The following NPAS3 variants were observed in gnomAD, a reference collection of about 807,000 sequenced individuals.
The protein encoded by NPAS3 is neuronal PAS domain-containing protein 3.
NPAS3 carries 14 observed loss-of-function variants against 73.1 expected under a neutral mutation model. The ratio of observed to expected loss-of-function variants is 0.19; its 90% confidence interval spans 0.13 to 0.30. The LOEUF is 0.30. Among genes scored for constraint, NPAS3 ranks in the 10% least tolerant of loss-of-function variants. The pLI is 1.00. For synonymous variants in NPAS3, 620 were observed against 541.5 expected, an observed-to-expected ratio of 1.14 and a Z score of -2.01; for missense variants, 1,096 against 1,250.0, an observed-to-expected ratio of 0.88 and a Z score of 1.86.
At chr14:32,975,579 A>G (rs563281852) in intron 1 of NPAS3, among the ~76,000 whole-genome samples, 1 of 152,338 alleles carries the variant, frequency 6.6e-6, no homozygotes, top group East Asian at 1.9e-4. Context: ...GGAGATTTAT[A>G]AGGAAACATC....
chr14:33,800,740 G>A lies in NPAS3; in HGVS notation c.2433G>A (p.Gly811=). ...TCCCGCTGGTGCACAGGGTGACCGG[G>A]ACCCTGGCCGCCACCAGCACGGCCG... The change falls in exon 12 of 12, where the codon GGG becomes GGA. Residue 811 remains glycine, a synonymous_variant. Transcript: ENST00000356141. The surrounding 1 kb of genome is among the most constrained non-coding windows in gnomAD (Gnocchi z 6.5). The A allele has an allele frequency of 6.4e-7, 1 of 1,558,494 alleles. No homozygotes were observed. Among genetic ancestry groups the A allele is most frequent in the Non-Finnish European group, 8.7e-7 (1 of 1,153,806 alleles).
rs142190787 is a variant in NPAS3 at position 33,478,769 on chromosome 14, G to A, written c.469-81352G>A. On this transcript the variant is annotated intron_variant, in intron 4 of 11. Transcript: ENST00000356141. The stretch of plus-strand genomic sequence containing the variant: ...ACAGAATAGTCAAATATTTGGAAAC[G>A]GCACACTGGCAATTGGAAAACATTA... Among the ~76,000 whole-genome samples, 26 of 152,248 alleles carry A rather than the reference G, an allele frequency of 1.7e-4. No homozygotes were observed. The East Asian group carries it at 2.9e-3, about 17-fold the overall frequency.
chr14:33,426,432 C>A (rs1268014429), intron 4 of NPAS3, among the ~76,000 whole-genome samples: 1 of 152,014 alleles, frequency 6.6e-6, no homozygotes, highest in East Asian at 1.9e-4. Flanking sequence ...TAGATGAGAT[C>A]ATGGACCTCC....
chr14:33,155,426 C>T (rs1382973742), intron 2 of NPAS3, among the ~76,000 whole-genome samples: 2 of 152,160 alleles, frequency 1.3e-5, no homozygotes, highest in Non-Finnish European at 2.9e-5. Context: ...GGGTATCTCT[C>T]TGTTCCCAGG....
intron 6 of NPAS3, among the ~76,000 whole-genome samples, chr14:33,720,263 C>G (rs1363259109): frequency 6.6e-6 from 1 of 152,132 alleles, no homozygotes; most frequent in Admixed American, 6.6e-5. Context: ...AGGAAGAATA[C>G]TTATGAATAT....
At chr14:33,148,955 A>C (rs1335976024) in intron 2 of NPAS3, among the ~76,000 whole-genome samples, 1 of 152,058 alleles carries the variant, frequency 6.6e-6, no homozygotes, top group Non-Finnish European at 1.5e-5. Context: ...CCCAAGTGCT[A>C]AGATACAGCT....
At chr14:33,282,574 AAATGGACTGG>A (rs1177819186) in intron 3 of NPAS3, among the ~76,000 whole-genome samples, 1 of 152,192 alleles carries the variant, frequency 6.6e-6, no homozygotes, top group African/African-American at 2.4e-5. Flanking sequence ...TAAAGTATTA[AAATGGACTGG>A]ATAAATCAGC....
In NPAS3 at chr14:33,800,611, C is replaced by CGGGGGCGGCGGCGCG. The variant is rs534645214; in HGVS notation, c.2317_2331dup (p.Ala773_Gly777dup). The CGGGGGCGGCGGCGCG allele has an allele frequency of 2.3e-6, 3 of 1,331,884 alleles. No individual in the cohort carries two copies. The highest frequency in any genetic ancestry group is 4.4e-5 in the South Asian group (2 of 45,278). 82.5% of individuals were successfully genotyped at this position (1,331,884 alleles called of 1,614,324 possible). A position where few individuals can be genotyped will look rare whatever the true frequency, so the allele number is the denominator to read the frequency against. ...CCGGGAACGGCGGCGGGGGCGGGGG[C>CGGGGGCGGCGGCGCG]GGGGGCGGCGGCGCGGGGGGCGGCG... On this transcript the variant is annotated inframe_insertion, in exon 12 of 12. Coordinates refer to ENST00000356141, the Ensembl canonical transcript of NPAS3. The surrounding 1 kb of genome is among the most constrained non-coding windows in gnomAD (Gnocchi z 6.5).
At chr14:33,665,945 C>T (rs574856107) in intron 5 of NPAS3, among the ~76,000 whole-genome samples, 16 of 152,170 alleles carry the variant, frequency 1.1e-4, no homozygotes, top group South Asian at 6.2e-4. Context: ...GGGTCCAGAG[C>T]TTAAATGTGT....
intron 3 of NPAS3, among the ~76,000 whole-genome samples, chr14:33,350,174 T>C (rs2044966352): frequency 6.6e-6 from 1 of 152,196 alleles, no homozygotes; most frequent in African/African-American, 2.4e-5. Context: ...TCCGTTAAGT[T>C]TGAAATTACC....
intron 4 of NPAS3, among the ~76,000 whole-genome samples, chr14:33,507,480 C>T (rs893092987): frequency 6.6e-6 from 1 of 151,862 alleles, no homozygotes; most frequent in African/African-American, 2.4e-5. Context: ...AGATGTTTGC[C>T]CACACCCTCC....
intron 4 of NPAS3, among the ~76,000 whole-genome samples, chr14:33,484,241 T>C (rs1375423214): frequency 6.6e-6 from 1 of 152,084 alleles, no homozygotes; most frequent in African/African-American, 2.4e-5. Flanking sequence ...GAACACCTCG[T>C]GAAAGGTCTG....
intron 5 of NPAS3, among the ~76,000 whole-genome samples, chr14:33,583,020 G>A (rs1045604816): frequency 3.5e-5 from 4 of 113,218 alleles, no homozygotes; most frequent in African/African-American, 1.8e-4. Context: ...AAGATATGCT[G>A]TAGTGAACCC....
chr14:33,566,547 A>G (rs1333194001), intron 5 of NPAS3, among the ~76,000 whole-genome samples: 1 of 151,846 alleles, frequency 6.6e-6, no homozygotes, highest in Non-Finnish European at 1.5e-5. Context: ...TGTGCTCTGT[A>G]TCTTTGTTGA....
intron 2 of NPAS3, among the ~76,000 whole-genome samples, chr14:33,102,287 A>G (rs1595452241): frequency 6.6e-6 from 1 of 152,160 alleles, no homozygotes; most frequent in Admixed American, 6.5e-5. Context: ...TAGAAAAACT[A>G]GGGAGAAAGG....
intron 1 of NPAS3, among the ~76,000 whole-genome samples, chr14:33,002,831 T>C (rs186852937): frequency 2.6e-5 from 4 of 152,032 alleles, no homozygotes; most frequent in Non-Finnish European, 5.9e-5. Context: ...CATTGGGAGG[T>C]TGGTATGTTT....
chr14:33,295,876 A>C (rs928654085), intron 3 of NPAS3, among the ~76,000 whole-genome samples: 1 of 152,214 alleles, frequency 6.6e-6, no homozygotes, highest in Non-Finnish European at 1.5e-5. Context: ...ATGGGATGGA[A>C]TTAGAAGACC....
At chr14:33,404,609 A>G (rs558908273) in intron 4 of NPAS3, among the ~76,000 whole-genome samples, 1 of 152,104 alleles carries the variant, frequency 6.6e-6, no homozygotes, top group Admixed American at 6.6e-5. Flanking sequence ...ATGGAGCTAC[A>G]TACTTTTTTT....
At chr14:33,793,843 A>T in intron 9 of NPAS3, 54 bp from the exon 10 acceptor site, 7 of 1,463,260 alleles carry the variant, frequency 4.8e-6, no homozygotes, top group African/African-American at 1.5e-5. Context: ...AAAAAAAAAA[A>T]GTTATTTGAT....
Sources: gnomAD v4.1 joint callset for allele counts (sites outside exome capture counted in the v4.1 genomes callset) on GRCh38, gnomAD v4.1.1 for gene constraint, Gnocchi (gnomAD v3.1) non-coding constraint, MANE v1.5 for transcripts, NCBI Gene and HGNC (gene_info 2026-07-23, HGNC 2026-07-21) for gene names.